Variants in RBFOX1 observed in about 807,000 individuals in gnomAD.
RBFOX1 encodes RNA binding fox-1 homolog 1.
In RBFOX1, 8 loss-of-function variants were observed where a neutral mutation model predicts 57.7. The observed-to-expected ratio is 0.14, with a 90% CI of 0.08 to 0.25. The LOEUF is 0.25. Among genes scored for constraint, RBFOX1 ranks in the 10% least tolerant of loss-of-function variants. The pLI is 1.00. For missense variants in RBFOX1, 611 were observed against 548.5 expected, an observed-to-expected ratio of 1.11 and a Z score of -1.14; for synonymous variants, 326 against 222.4, an observed-to-expected ratio of 1.47 and a Z score of -4.15.
At chr16:5,266,796 C>T (rs879416460) in intron 1 of RBFOX1, among the ~76,000 whole-genome samples, 7 of 151,878 alleles carry the variant, frequency 4.6e-5, no homozygotes, top group Non-Finnish European at 1.0e-4. Context: ...TGGGCTCAAG[C>T]AATCTGCTCA....
intron 2 of RBFOX1, among the ~76,000 whole-genome samples, chr16:6,588,261 T>C (rs1282871630): frequency 6.6e-6 from 1 of 151,838 alleles, no homozygotes; most frequent in Non-Finnish European, 1.5e-5. Context: ...AGTTTTGCTA[T>C]ACAGCCACAA....
chr16:7,308,033 T>C (rs1054560535), intron 4 of RBFOX1, among the ~76,000 whole-genome samples: 22 of 152,202 alleles, frequency 1.4e-4, no homozygotes, highest in African/African-American at 5.1e-4. Flanking sequence ...CTGAATACAA[T>C]TCCACATTAG....
chr16:6,629,338 A>G (rs2098353692), intron 2 of RBFOX1, among the ~76,000 whole-genome samples: 1 of 152,232 alleles, frequency 6.6e-6, no homozygotes, highest in African/African-American at 2.4e-5. Context: ...ATAAATGGAA[A>G]GAAACACAGT....
At chr16:5,954,065 C>G (rs988259541) in intron 4 of RBFOX1, among the ~76,000 whole-genome samples, 14 of 152,208 alleles carry the variant, frequency 9.2e-5, no homozygotes, top group African/African-American at 1.4e-4. Context: ...GCACTGCACA[C>G]TATGCTACAG....
chr16:6,577,883 C>G (rs1017580821), intron 2 of RBFOX1, among the ~76,000 whole-genome samples: 3 of 152,082 alleles, frequency 2.0e-5, no homozygotes, highest in African/African-American at 7.2e-5. Context: ...ATTTATTAAA[C>G]AAACGAGGCA....
At chr16:6,368,268 A>C (rs2089952193) in intron 2 of RBFOX1, among the ~76,000 whole-genome samples, 1 of 152,160 alleles carries the variant, frequency 6.6e-6, no homozygotes, top group South Asian at 2.1e-4. Context: ...GGCTTTCCAG[A>C]AAAATGGTGC....
chr16:5,338,628 G>T (rs1252097236), intron 1 of RBFOX1, among the ~76,000 whole-genome samples: 3 of 152,154 alleles, frequency 2.0e-5, no homozygotes, highest in Admixed American at 6.5e-5. Flanking sequence ...GGTTGGAAAA[G>T]ATTTTGAAAG....
At chr16:6,875,071 T>C (rs774692136) in intron 3 of RBFOX1, among the ~76,000 whole-genome samples, 1 of 152,086 alleles carries the variant, frequency 6.6e-6, no homozygotes, top group East Asian at 1.9e-4. Flanking sequence ...GCGAAAAAAA[T>C]GTAAGGACTC....
At chr16:7,272,250 C>T (rs1335558732) in intron 4 of RBFOX1, among the ~76,000 whole-genome samples, 2 of 152,094 alleles carry the variant, frequency 1.3e-5, no homozygotes, top group Non-Finnish European at 2.9e-5. Context: ...ATTGGTATCA[C>T]CTCGGCTCAC....
At chr16:6,126,458 C>T (rs1345737028) in intron 1 of RBFOX1, among the ~76,000 whole-genome samples, 1 of 152,076 alleles carries the variant, frequency 6.6e-6, no homozygotes, top group Non-Finnish European at 1.5e-5. Context: ...GTAGATACTT[C>T]CAGTGTCCCA....
intron 3 of RBFOX1, among the ~76,000 whole-genome samples, chr16:6,735,627 A>G (rs2070005194): frequency 1.3e-5 from 2 of 152,288 alleles, no homozygotes; most frequent in Admixed American, 1.3e-4. Flanking sequence ...GAAGTTGTGT[A>G]ACATTGGATC....
chr16:7,320,204 G>C (rs923947015), intron 4 of RBFOX1, among the ~76,000 whole-genome samples: 8 of 152,082 alleles, frequency 5.3e-5, no homozygotes, highest in African/African-American at 1.9e-4. Flanking sequence ...ATGTTCATCA[G>C]CTATTTATCC....
At chr16:7,416,803 A>G (rs554310148) in intron 4 of RBFOX1, among the ~76,000 whole-genome samples, 1 of 152,172 alleles carries the variant, frequency 6.6e-6, no homozygotes, top group South Asian at 2.1e-4. Flanking sequence ...AGTAGATATC[A>G]TGTATCAACT....
chr16:7,091,384 T>C (rs1232001392), intron 4 of RBFOX1, among the ~76,000 whole-genome samples: 2 of 151,966 alleles, frequency 1.3e-5, no homozygotes, highest in Non-Finnish European at 2.9e-5. Context: ...TTTAGAAATA[T>C]CATTTTATAC....
intron 4 of RBFOX1, among the ~76,000 whole-genome samples, chr16:7,206,580 A>T (rs1567704330): frequency 6.6e-6 from 1 of 152,066 alleles, no homozygotes. Flanking sequence ...ATATGGGTTA[A>T]GGCTGATTTT....
At position 7,134,070 on chromosome 16, in the gene RBFOX1, C is replaced by G. The variant is rs191815312; in HGVS notation, c.27+81972C>G. 2.0e-5 allele frequency among the ~76,000 whole-genome samples: 3 copies of G among 152,258 alleles called. No individual in the cohort carries two copies. The East Asian group carries it at 5.8e-4, about 29-fold the overall frequency. On this transcript the variant is annotated intron_variant, in intron 4 of 15. Coordinates refer to ENST00000550418, the MANE Select transcript of RBFOX1 (RefSeq NM_018723.4). Reference sequence around the variant, plus strand: ...TGGGCCTCAGTAATGGAGGGAATCACGTTAGCACTTGGCAGTTTGTTATGC... The same window carrying G: ...TGGGCCTCAGTAATGGAGGGAATCAGGTTAGCACTTGGCAGTTTGTTATGC...
chr16:7,278,411 C>T (rs2095481122), intron 4 of RBFOX1, among the ~76,000 whole-genome samples: 5 of 152,078 alleles, frequency 3.3e-5, no homozygotes, highest in Admixed American at 3.3e-4. Context: ...CATGTGCAAG[C>T]CAGAGGGTGT....
At chr16:7,444,258 A>G (rs762758293) in intron 4 of RBFOX1, among the ~76,000 whole-genome samples, 2 of 152,176 alleles carry the variant, frequency 1.3e-5, no homozygotes, top group Non-Finnish European at 2.9e-5. Flanking sequence ...CTGTTTCCTA[A>G]TGGGTCATCC....
At chr16:5,682,564 C>G (rs2050373891) in intron 3 of RBFOX1, among the ~76,000 whole-genome samples, 4 of 152,148 alleles carry the variant, frequency 2.6e-5, no homozygotes, top group Admixed American at 6.5e-5. Context: ...AGTGTGATTA[C>G]TTTAAATCCT....
Sources: gnomAD v4.1 joint callset for allele counts (sites outside exome capture counted in the v4.1 genomes callset) on GRCh38, gnomAD v4.1.1 for gene constraint, MANE v1.5 for transcripts, NCBI Gene and HGNC (gene_info 2026-07-23, HGNC 2026-07-21) for gene names.